BDH1: variants seen among roughly 807,000 people sequenced by gnomAD.
BDH1 encodes D-beta-hydroxybutyrate dehydrogenase, mitochondrial.
BDH1 carries 30 observed loss-of-function variants against 33.1 expected under a neutral mutation model. The ratio of observed to expected loss-of-function variants is 0.91; its 90% CI spans 0.68 to 1.23. The LOEUF (loss-of-function observed/expected upper bound fraction) is 1.23. Among genes scored for constraint, BDH1 ranks in the 50% most tolerant of loss-of-function variants. The pLI is 0.00. For missense variants in BDH1, 443 were observed against 464.4 expected (o/e 0.95, Z 0.42); for synonymous variants, 190 against 183.6 (o/e 1.03, Z -0.28).
At chr3:197,569,004 C>T (rs1445916548) in intron 1 of BDH1, among the ~76,000 whole-genome samples, 4 of 152,206 alleles carry the variant, frequency 2.6e-5, no homozygotes, top group Non-Finnish European at 5.9e-5. Flanking sequence ...ATTTCACTTA[C>T]TTTTGCAACA....
intron 1 of BDH1, among the ~76,000 whole-genome samples, chr3:197,562,281 G>A (rs566529496): frequency 1.8e-4 from 28 of 152,312 alleles, no homozygotes; most frequent in African/African-American, 5.3e-4. Context: ...GTTCGGAGAT[G>A]CATTCTAAAG....
Position 197,546,256 on chromosome 3 carries a change from T to C in BDH1, c.83+105A>G, listed in dbSNP as rs114799683. 3,338 of 1,086,260 alleles carry C rather than the reference T, an allele frequency of 3.1e-3. 84 individuals are homozygous for C. The African/African-American group carries it at 0.046, about 15-fold the overall frequency. The allele number at this position is 1,086,260 out of a possible 1,614,324, so 67.3% of individuals were successfully genotyped here. On this transcript the variant is annotated intron_variant, in intron 3 of 7. Transcript: ENST00000392379. Reference sequence around the variant, plus strand: ...TGGGAGACAAAGGTATTGAGAGACATCTCTGAGAATCAGGCCTCATCACCG... The same window carrying C: ...TGGGAGACAAAGGTATTGAGAGACACCTCTGAGAATCAGGCCTCATCACCG...
intron 3 of BDH1, among the ~76,000 whole-genome samples, chr3:197,535,186 C>T (rs1715038442): frequency 6.6e-6 from 1 of 152,222 alleles, no homozygotes. Context: ...GAGGAGAATG[C>T]AAACATTCGG....
In BDH1 at chr3:197,511,960, ACCAGTAGTAGT is replaced by A; in HGVS notation, c.956_966del (p.Asp319ValfsTer66). 6.2e-7 allele frequency: 1 copy of A among 1,604,434 alleles called. No homozygotes were observed. ...TGGGTCATGATCTGCATTCGCAGCC[ACCAGTAGTAGT>A]CCATGGGGTGGTAGCGGGTGTAGGG... On this transcript the variant is annotated frameshift_variant, in exon 8 of 8. Transcript: ENST00000392379. LOFTEE classifies it high-confidence loss of function.
At chr3:197,515,658 C>T (rs115419666) in intron 6 of BDH1, 18 of 985,572 alleles carry the variant, frequency 1.8e-5, no homozygotes, top group East Asian at 2.3e-4. Flanking sequence ...CCACAAATAC[C>T]GCATTTCCAT....
chr3:197,515,172 G>A (rs1712562643), intron 6 of BDH1, among the ~76,000 whole-genome samples: 1 of 152,192 alleles, frequency 6.6e-6, no homozygotes, highest in African/African-American at 2.4e-5. Flanking sequence ...GTCTCTAGCT[G>A]CTTTCCTTCC....
In BDH1 at chr3:197,512,012, G is replaced by A; in HGVS notation, c.915C>T (p.Ala305=). 6.2e-7 allele frequency: 1 copy of A among 1,614,044 alleles called. No individual in the cohort carries two copies. Among genetic ancestry groups the A allele is most frequent in the Non-Finnish European group, 8.5e-7 (1 of 1,179,984 alleles). Reference sequence around the variant, plus strand: ...GGGTGTAGGGGGTGGTGGCGGTCAGGGCGTGTGTGACAGCATCGATGACAG... The same window carrying A: ...GGGTGTAGGGGGTGGTGGCGGTCAGAGCGTGTGTGACAGCATCGATGACAG... The part of the protein sequence containing the change: ...TSPVIDAVTH[A]LTATTPYTRY... Residue 305 remains alanine, a synonymous_variant, in exon 8 of 8, where the codon GCC becomes GCT. Coordinates refer to ENST00000392379, the MANE Select transcript of BDH1 (RefSeq NM_203314.3).
upstream of BDH1, among the ~76,000 whole-genome samples, chr3:197,558,460 G>A (rs1312733727): frequency 6.6e-6 from 1 of 152,156 alleles, no homozygotes; most frequent in Non-Finnish European, 1.5e-5. Flanking sequence ...GCCCATAGTA[G>A]TGACCGACTT....
rs139203985 is a variant in BDH1, at chr3:197,551,446, A to G, written c.-44+3116T>C. On this transcript the variant is annotated intron_variant, in intron 2 of 7. Coordinates refer to ENST00000392379, the MANE Select transcript of BDH1 (RefSeq NM_203314.3). ...GAATACTACTCCATTGTGTATATGT[A>G]CCACATTTTCTTTATCCATTTATCT... is the stretch of plus-strand genomic sequence containing the variant. Among the ~76,000 whole-genome samples, 189 of 152,298 alleles carry G rather than the reference A, an allele frequency of 1.2e-3. 1 individual carries two copies. Among genetic ancestry groups the G allele is most frequent in the African/African-American group, 4.3e-3 (179 of 41,560 alleles).
chr3:197,538,474 C>G, intron 3 of BDH1: 1 of 437,728 alleles, frequency 2.3e-6, no homozygotes, highest in Non-Finnish European at 4.6e-6. Context: ...GCCTCAGCCT[C>G]CTGAGTAGCC....
At chr3:197,568,322 T>TA (rs1717500850) in intron 1 of BDH1, among the ~76,000 whole-genome samples, 1 of 152,080 alleles carries the variant, frequency 6.6e-6, no homozygotes, top group African/African-American at 2.4e-5. Context: ...ATCATACCCT[T>TA]AATCTGTAGA....
At chr3:197,515,279 G>A (rs549064302) in intron 6 of BDH1, 1 of 985,356 alleles carries the variant, frequency 1.0e-6, no homozygotes, top group South Asian at 4.7e-5. Context: ...GAAATTGCTG[G>A]TTAACAGAGT....
Position 197,522,022 on chromosome 3 carries a change from G to C in BDH1, c.409+618C>G, listed in dbSNP as rs373934580. Among the ~76,000 whole-genome samples the C allele has an allele frequency of 6.6e-6, 1 of 152,044 alleles. No individual in the cohort carries two copies. Among genetic ancestry groups the C allele is most frequent in the African/African-American group, 2.4e-5 (1 of 41,386 alleles). ...CCTCCTTTGCTGCCACCCCCTCTGC[G>C]TGACCTGACCCATGACTCATATTGA... On this transcript the variant is annotated intron_variant, in intron 6 of 7. Coordinates refer to ENST00000392379, the MANE Select transcript of BDH1 (RefSeq NM_203314.3). This position sits in a 1 kb window ranked among gnomAD's most constrained non-coding sequence, Gnocchi z 4.8.
At chr3:197,567,672 A>G (rs566674376) in intron 1 of BDH1, among the ~76,000 whole-genome samples, 2 of 152,282 alleles carry the variant, frequency 1.3e-5, no homozygotes, top group East Asian at 3.9e-4. Context: ...TTCGCAAAAT[A>G]AACTTTCTGA....
At chr3:197,552,717 C>T (rs1476017108) in intron 2 of BDH1, among the ~76,000 whole-genome samples, 4 of 152,222 alleles carry the variant, frequency 2.6e-5, no homozygotes, top group African/African-American at 9.6e-5. Flanking sequence ...GACTATCCCC[C>T]TTCTCTGCTT....
At chr3:197,546,610 C>T in intron 2 of BDH1, 124 bp from the exon 3 acceptor site, 1 of 620,246 alleles carries the variant, frequency 1.6e-6, no homozygotes, top group Non-Finnish European at 2.9e-6. Context: ...AGCTCCAGTC[C>T]TGGTACCACC....
At chr3:197,544,652 C>T (rs1407252843) in intron 3 of BDH1, among the ~76,000 whole-genome samples, 7 of 152,250 alleles carry the variant, frequency 4.6e-5, no homozygotes, top group East Asian at 1.9e-4. Flanking sequence ...GGCCTCCTGC[C>T]GCCTGTGCCA....
chr3:197,555,078 C>T (rs926232534), intron 1 of BDH1, among the ~76,000 whole-genome samples: 1 of 152,254 alleles, frequency 6.6e-6, no homozygotes, highest in Non-Finnish European at 1.5e-5. Context: ...GGACTCCCAC[C>T]CTGGCCAGTC....
intron 5 of BDH1, among the ~76,000 whole-genome samples, chr3:197,531,053 T>C (rs1437195976): frequency 1.3e-5 from 2 of 152,168 alleles, no homozygotes; most frequent in Non-Finnish European, 2.9e-5. Context: ...TTCAAATAAA[T>C]AATACAGCGA....
Sources: gnomAD v4.1 joint callset for allele counts (sites outside exome capture counted in the v4.1 genomes callset) on GRCh38, gnomAD v4.1.1 for gene constraint, Gnocchi (gnomAD v3.1) non-coding constraint, MANE v1.5 for transcripts, NCBI Gene and HGNC (gene_info 2026-07-23, HGNC 2026-07-21) for gene names.